The following TMC2 variants were observed in gnomAD, a reference collection of about 807,000 sequenced individuals.
TMC2 encodes the protein transmembrane channel like 2.
In TMC2, 102 loss-of-function variants were observed where a neutral mutation model predicts 105.9. That is an observed-to-expected ratio of 0.96 (90% CI 0.82 to 1.14). TMC2 has a LOEUF of 1.14. Ranked by LOEUF, TMC2 falls within the 50% of genes most tolerant of loss-of-function variation. TMC2 has a pLI of 0.00. For missense variants in TMC2, 1,093 were observed against 1,134.3 expected (o/e 0.96, Z 0.52); for synonymous variants, 402 against 422.8 (o/e 0.95, Z 0.60).
At chr20:2,629,012 G>A (rs1373199969) in intron 17 of TMC2, among the ~76,000 whole-genome samples, 1 of 151,510 alleles carries the variant, frequency 6.6e-6, no homozygotes, top group Non-Finnish European at 1.5e-5. Flanking sequence ...TGAGGCAGGA[G>A]AATGGCGTGA....
chr20:2,589,582 CAA>C (rs1339393755), intron 7 of TMC2, among the ~76,000 whole-genome samples: 1 of 152,032 alleles, frequency 6.6e-6, no homozygotes, highest in Non-Finnish European at 1.5e-5. Context: ...CTTGGCAGCA[CAA>C]GTCATGATTG....
intron 4 of TMC2, among the ~76,000 whole-genome samples, chr20:2,563,754 G>T (rs2086043849): frequency 6.6e-6 from 1 of 152,142 alleles, no homozygotes; most frequent in African/African-American, 2.4e-5. Context: ...AAGAGACAGA[G>T]TCTTGCTCTG....
In TMC2 at chr20:2,596,285, T is replaced by C. The variant is rs556423880; in HGVS notation, c.1077-866T>C. The stretch of plus-strand genomic sequence containing the variant: ...GCCAAACTTGATTAAGAGAAGGATA[T>C]ATGACCTGATTGTATTAGGACGGTG... On this transcript the variant is annotated intron_variant, in intron 9 of 19. Transcript: ENST00000358864. Among the ~76,000 whole-genome samples, 111 of 152,218 alleles carry C rather than the reference T, an allele frequency of 7.3e-4. 1 individual carries two copies. The highest frequency in any genetic ancestry group is 2.2e-3 in the African/African-American group (93 of 41,540).
chr20:2,622,408 C>T (rs6138589), intron 16 of TMC2, among the ~76,000 whole-genome samples: 35,720 of 152,150 alleles, frequency 0.23, 5,308 homozygotes, highest in East Asian at 0.34. Flanking sequence ...TGGCTCACAC[C>T]TGTAATCCCA....
chr20:2,597,513 A>G (rs376238960), intron 10 of TMC2, among the ~76,000 whole-genome samples: 2 of 152,068 alleles, frequency 1.3e-5, no homozygotes, highest in Non-Finnish European at 2.9e-5. Context: ...TTGAGACAGC[A>G]TCTCTCTCCC....
chr20:2,568,491 T>C (rs146023197), intron 4 of TMC2, among the ~76,000 whole-genome samples: 163 of 152,144 alleles, frequency 1.1e-3, no homozygotes, highest in African/African-American at 3.7e-3. Flanking sequence ...GGACACAGAG[T>C]CTGAACAGAG....
At chr20:2,564,182 G>C (rs1178503700) in intron 4 of TMC2, among the ~76,000 whole-genome samples, 3 of 113,846 alleles carry the variant, frequency 2.6e-5, no homozygotes, top group Non-Finnish European at 4.9e-5. Flanking sequence ...ATGGAGTATC[G>C]CTCTGTCGCC....
At chr20:2,557,127 T>A (rs2085989855) in intron 2 of TMC2, among the ~76,000 whole-genome samples, 1 of 152,246 alleles carries the variant, frequency 6.6e-6, no homozygotes, top group Non-Finnish European at 1.5e-5. Flanking sequence ...TGTTTGTCAT[T>A]AATATTAGAA....
At chr20:2,569,294 T>C (rs1352009718) in intron 4 of TMC2, among the ~76,000 whole-genome samples, 1 of 152,242 alleles carries the variant, frequency 6.6e-6, no homozygotes, top group African/African-American at 2.4e-5. Flanking sequence ...GAATATTTAA[T>C]AGACAAATTG....
chr20:2,561,865 T>A lies in TMC2; in HGVS notation c.409T>A (p.Ser137Thr), dbSNP rs975073354. The change falls in exon 4 of 20, where the codon TCC becomes ACC. Residue 137 changes from serine to threonine, a missense_variant. Ser to Thr is a moderately conservative substitution (Grantham distance 58). Transcript: ENST00000358864. ...CCCTGGCTCTGCCTCCAGGTCATCC[T>A]CCTTGGCCTCCAGTGCCTCTGGTGG... is the stretch of plus-strand genomic sequence containing the variant. ...SKRQKKPRSS[S>T]LASSASGGES... 3 of 1,613,794 alleles carry A rather than the reference T, an allele frequency of 1.9e-6. No homozygotes were observed. Among genetic ancestry groups the A allele is most frequent in the Non-Finnish European group, 2.5e-6 (3 of 1,179,862 alleles).
At chr20:2,563,673 G>T (rs548443313) in intron 4 of TMC2, among the ~76,000 whole-genome samples, 1 of 152,114 alleles carries the variant, frequency 6.6e-6, no homozygotes, top group Admixed American at 6.5e-5. Context: ...TAATTAACTC[G>T]ATTTGACAAT....
In TMC2 at chr20:2,580,200, GCATTAAAAGTAATTTTAATTTTTTGC is replaced by G. The variant is rs2086179616; in HGVS notation, c.834+160_834+185del. 4.2e-5 allele frequency: 20 copies of G among 479,652 alleles called. 1 individual carries two copies. The East Asian group carries it at 6.8e-4, about 16-fold the overall frequency. The allele number at this position is 479,652 out of a possible 1,614,324, so 29.7% of individuals were successfully genotyped here. ...AGGCTGGTGCAAAAGTAATTGTTTT[GCATTAAAAGTAATTTTAATTTTTTGC>G]CATTAAAAGTAATTTATAAATTACT... On this transcript the variant is annotated intron_variant, in intron 7 of 19. Transcript: ENST00000358864.
intron 16 of TMC2, 51 bp from the exon 17 acceptor site, chr20:2,624,220 A>C: frequency 6.3e-7 from 1 of 1,586,532 alleles, no homozygotes; most frequent in East Asian, 2.3e-5. Context: ...ACAGCTGTGA[A>C]TGCCACAGGC....
intron 2 of TMC2, among the ~76,000 whole-genome samples, chr20:2,538,295 C>T (rs2085865160): frequency 6.6e-6 from 1 of 152,170 alleles, no homozygotes; most frequent in African/African-American, 2.4e-5. Context: ...GGCATCTCAA[C>T]AGCCCTTCCT....
At chr20:2,599,862 C>G (rs2086338375) in intron 10 of TMC2, among the ~76,000 whole-genome samples, 1 of 152,188 alleles carries the variant, frequency 6.6e-6, no homozygotes, top group Admixed American at 6.5e-5. Context: ...TTTTCTTTGC[C>G]CCTCCCCTCT....
intron 7 of TMC2, among the ~76,000 whole-genome samples, chr20:2,582,766 A>T (rs1054185338): frequency 1.8e-4 from 27 of 152,184 alleles, no homozygotes; most frequent in African/African-American, 5.8e-4. Flanking sequence ...ATGAGCCACC[A>T]TCCCTGGCCT....
chr20:2,616,166 A>G lies in TMC2; in HGVS notation c.1902A>G (p.Gly634=). Residue 634 remains glycine (G), a synonymous_variant, in exon 15 of 20, where the codon GGA becomes GGG. Transcript: ENST00000358864. The surrounding 1 kb of genome is among the most constrained non-coding windows in gnomAD (Gnocchi z 4.8). The part of the protein sequence containing the change: ...FPSYAEFDIS[G]NVLGLIFNQG... Reference sequence around the variant, plus strand: ...CATATGCTGAGTTTGATATTAGTGGAAATGTGCTGGGTTTGATCTTCAACC... The same window carrying G: ...CATATGCTGAGTTTGATATTAGTGGGAATGTGCTGGGTTTGATCTTCAACC... The G allele has an allele frequency of 6.2e-7, 1 of 1,613,506 alleles. No individual in the cohort carries two copies. The highest frequency in any genetic ancestry group is 1.1e-5 in the South Asian group (1 of 91,058).
At chr20:2,544,068 AT>A (rs3051737) in intron 2 of TMC2, among the ~76,000 whole-genome samples, 47,485 of 131,894 alleles carry the variant, frequency 0.36, 7,540 homozygotes, top group Middle Eastern at 0.44. Context: ...TGCCTAGCTG[AT>A]TTTTTTTTTT....
intron 14 of TMC2, among the ~76,000 whole-genome samples, chr20:2,615,415 C>A (rs1471051829): frequency 1.3e-5 from 2 of 152,254 alleles, no homozygotes; most frequent in African/African-American, 4.8e-5. Flanking sequence ...TGTCTCTTTC[C>A]TAACTTCTCA....
Sources: allele counts gnomAD v4.1 joint callset (sites outside exome capture counted in the v4.1 genomes callset), GRCh38; gene constraint gnomAD v4.1.1; non-coding constraint Gnocchi (gnomAD v3.1); transcripts MANE v1.5; gene names NCBI Gene and HGNC (gene_info 2026-07-23, HGNC 2026-07-21).